NAAA: variants seen among roughly 807,000 people sequenced by gnomAD.
NAAA encodes N-acylethanolamine acid amidase, also known as N-acylethanolamine-hydrolyzing acid amidase.
A neutral mutation model predicts 44.8 loss-of-function variants in NAAA; 39 were observed. The observed-to-expected ratio is 0.87, with a 90% confidence interval of 0.67 to 1.14. NAAA has a LOEUF of 1.14. Ranked by LOEUF, NAAA falls within the 50% of genes most tolerant of loss-of-function variation. The pLI, the probability that NAAA is intolerant of heterozygous loss-of-function variation, is 0.00. For missense variants in NAAA, 460 were observed against 467.8 expected (o/e 0.98, Z 0.15); for synonymous variants, 178 against 191.3 (o/e 0.93, Z 0.58).
chr4:75,923,833 C>T (rs1726406286), intron 5 of NAAA, among the ~76,000 whole-genome samples: 1 of 152,084 alleles, frequency 6.6e-6, no homozygotes, highest in Non-Finnish European at 1.5e-5. Context: ...CCACCGCGCC[C>T]GGCCCATCTT....
intron 5 of NAAA, among the ~76,000 whole-genome samples, chr4:75,923,863 G>A (rs973818678): frequency 6.6e-6 from 1 of 152,050 alleles, no homozygotes; most frequent in Non-Finnish European, 1.5e-5. Context: ...TTGTCACCAT[G>A]TGTACAGTAA....
At position 75,920,949 on chromosome 4, in the gene NAAA, A is replaced by G; in HGVS notation, c.839+2T>C. On this transcript the variant is annotated splice_donor_variant, in intron 6 of 10. Coordinates refer to ENST00000286733, the MANE Select transcript of NAAA (RefSeq NM_014435.4). LOFTEE classifies it high-confidence loss of function. ...ATGACCAGAGCTTTCAATTCTACTTACGCTCCATTCAAAGGATCTAGAGGC... is the reference window on the plus strand; with the variant it reads ...ATGACCAGAGCTTTCAATTCTACTTGCGCTCCATTCAAAGGATCTAGAGGC... The G allele has an allele frequency of 6.2e-7, 1 of 1,613,752 alleles. No homozygotes were observed. Among genetic ancestry groups the G allele is most frequent in the Admixed American group, 1.7e-5 (1 of 59,838 alleles).
intron 9 of NAAA, 27 bp from the exon 10 acceptor site, chr4:75,915,012 A>G: frequency 6.6e-7 from 1 of 1,506,452 alleles, no homozygotes. Context: ...AATTTTATGT[A>G]CACATCATTT....
At chr4:75,932,840 A>C (rs1727355804) in intron 3 of NAAA, among the ~76,000 whole-genome samples, 1 of 151,914 alleles carries the variant, frequency 6.6e-6, no homozygotes, top group South Asian at 2.1e-4. Context: ...TTTATTTTTC[A>C]AAGAAGTACT....
intron 9 of NAAA, among the ~76,000 whole-genome samples, chr4:75,915,957 C>T (rs1725589289): frequency 6.6e-6 from 1 of 152,190 alleles, no homozygotes; most frequent in East Asian, 1.9e-4. Flanking sequence ...GAATTAGTAG[C>T]ACTGGGTCCA....
At chr4:75,925,898 G>C in intron 4 of NAAA, 87 bp from the exon 5 acceptor site, 1 of 1,279,812 alleles carries the variant, frequency 7.8e-7, no homozygotes, top group Admixed American at 1.8e-5. Flanking sequence ...AGGAAATATA[G>C]AGAGATATTC....
At chr4:75,926,556 G>A (rs369010233) in intron 4 of NAAA, among the ~76,000 whole-genome samples, 5 of 87,278 alleles carry the variant, frequency 5.7e-5, no homozygotes, top group African/African-American at 2.2e-4. Flanking sequence ...GAGAGACTCT[G>A]TCTCAAAAAA....
At chr4:75,939,966 C>T (rs770605576) in intron 2 of NAAA, 35 bp downstream of exon 2, 6 of 1,608,472 alleles carry the variant, frequency 3.7e-6, no homozygotes, top group Non-Finnish European at 8.5e-7. Context: ...CCCCCGCAAG[C>T]CCCGCGTTAC....
At chr4:75,930,609 T>G in intron 4 of NAAA, 1 of 415,472 alleles carries the variant, frequency 2.4e-6, no homozygotes, top group South Asian at 1.9e-5. Context: ...TGCTTCCATC[T>G]TAACCTAAAA....
chr4:75,924,474 G>GAAA (rs1489215896), intron 5 of NAAA, among the ~76,000 whole-genome samples: 4 of 152,192 alleles, frequency 2.6e-5, no homozygotes, highest in African/African-American at 9.6e-5. Flanking sequence ...CTGGACCACA[G>GAAA]TTGACTGTGG....
intron 3 of NAAA, among the ~76,000 whole-genome samples, chr4:75,933,275 T>C (rs1308300339): frequency 6.6e-6 from 1 of 152,164 alleles, no homozygotes; most frequent in African/African-American, 2.4e-5. Flanking sequence ...TGTTTTTCAT[T>C]TAATTATTTA....
downstream of NAAA, chr4:75,911,363 C>G: frequency 2.0e-6 from 1 of 497,066 alleles, no homozygotes; most frequent in South Asian, 1.5e-5. Context: ...ACTGCACAGA[C>G]AAAACCAATT....
At position 75,914,328 on chromosome 4, in the gene NAAA, T is replaced by TA. The variant is rs1725465593; in HGVS notation, c.*46dup. Reference sequence around the variant, plus strand: ...GCAGCTCTTCAAGAATTTCATTTTTTAAAAAATCATCTGTAAGGGAAGAAA... The same window carrying TA: ...GCAGCTCTTCAAGAATTTCATTTTTTAAAAAAATCATCTGTAAGGGAAGAAA... On this transcript the variant is annotated 3_prime_UTR_variant, in exon 11 of 11. Transcript: ENST00000286733. 1 of 982,072 alleles carries TA rather than the reference T, an allele frequency of 1.0e-6. No homozygotes were observed. The highest frequency in any genetic ancestry group is 1.7e-5 in the African/African-American group (1 of 57,158). 60.8% of individuals were successfully genotyped at this position (982,072 alleles called of 1,614,324 possible).
Position 75,940,063 on chromosome 4 carries a change from A to G in NAAA, c.309T>C (p.Cys103=). ...QPFTGEIRGM[C]DFMNLSLADC... ...CCGCCAGGCTGAGGTTCATGAAGTCACACATGCCGCGGATCTCGCCGGTGA... is the reference window on the plus strand; with the variant it reads ...CCGCCAGGCTGAGGTTCATGAAGTCGCACATGCCGCGGATCTCGCCGGTGA... The change falls in exon 2 of 11, where the codon TGT becomes TGC. Residue 103 remains cysteine (C), a synonymous_variant. Coordinates refer to ENST00000286733, the MANE Select transcript of NAAA (RefSeq NM_014435.4). 6.2e-7 allele frequency: 1 copy of G among 1,614,130 alleles called. No homozygotes were observed. Among genetic ancestry groups the G allele is most frequent in the South Asian group, 1.1e-5 (1 of 91,086 alleles).
At chr4:75,930,592 G>A (rs1417965866) in intron 4 of NAAA, 1 of 440,178 alleles carries the variant, frequency 2.3e-6, no homozygotes, top group Non-Finnish European at 4.5e-6. Flanking sequence ...GTTTCCAAAT[G>A]GTCTTCTGCT....
chr4:75,926,542 C>CAG (rs1259585988), intron 4 of NAAA, among the ~76,000 whole-genome samples: 3 of 111,524 alleles, frequency 2.7e-5, no homozygotes, highest in African/African-American at 1.1e-4. Flanking sequence ...ACCTGGGTGA[C>CAG]AGAGAGAGAC....
At position 75,940,765 on chromosome 4, in the gene NAAA, G is replaced by A; in HGVS notation, c.185C>T (p.Ala62Val). Residue 62 changes from alanine (A) to valine (V), a missense_variant, in exon 1 of 11, where the codon GCC (alanine) becomes GTC (valine). Physicochemically the swap from Ala to Val is moderately conservative, Grantham distance 64. Transcript: ENST00000286733. ...TCACCCGATGACTTGCGCCATCGCG[G>A]CGCGCACCAAGTCCAAGTCGTAGTG... Reference protein sequence around the residue: ...LRHYDLDLVRAAMAQVIGDRV... With the variant: ...LRHYDLDLVRVAMAQVIGDRV... The A allele has an allele frequency of 6.3e-7, 1 of 1,597,718 alleles. No individual in the cohort carries two copies. The highest frequency in any genetic ancestry group is 8.5e-7 in the Non-Finnish European group (1 of 1,178,454).
At chr4:75,932,636 C>T (rs1267686964) in intron 3 of NAAA, among the ~76,000 whole-genome samples, 3 of 152,010 alleles carry the variant, frequency 2.0e-5, no homozygotes, top group African/African-American at 7.2e-5. Flanking sequence ...GTGCATGCCA[C>T]CAAACCTGAC....
intron 3 of NAAA, among the ~76,000 whole-genome samples, chr4:75,934,189 G>C (rs2149280313): frequency 6.6e-6 from 1 of 152,000 alleles, no homozygotes; most frequent in Non-Finnish European, 1.5e-5. Context: ...TAGAGGCCTT[G>C]TGATTCGGGG....
Sources: gnomAD v4.1 joint callset for allele counts (sites outside exome capture counted in the v4.1 genomes callset) on GRCh38, gnomAD v4.1.1 for gene constraint, MANE v1.5 for transcripts, NCBI Gene and HGNC (gene_info 2026-07-23, HGNC 2026-07-21) for gene names.